ABLIM1: variants seen among roughly 807,000 people sequenced by gnomAD.
The protein encoded by ABLIM1 is actin binding LIM protein 1.
ABLIM1 carries 40 observed loss-of-function variants against 107.0 expected under a neutral mutation model. That is an observed-to-expected ratio of 0.37 (90% CI 0.29 to 0.49). The LOEUF (loss-of-function observed/expected upper bound fraction) is 0.49. Among genes scored for constraint, ABLIM1 ranks in the 20% least tolerant of loss-of-function variants. ABLIM1 has a pLI of 0.97. For missense variants in ABLIM1, 857 were observed against 1,008.5 expected (o/e 0.85, Z 2.04); for synonymous variants, 357 against 357.3 (o/e 1.00, Z 0.01).
At chr10:114,548,969 T>C (rs2067699968) in intron 4 of ABLIM1, among the ~76,000 whole-genome samples, 1 of 152,242 alleles carries the variant, frequency 6.6e-6, no homozygotes, top group Non-Finnish European at 1.5e-5. Context: ...ATGACGCTTC[T>C]AGCCCAACTT....
chr10:114,505,968 G>T (rs2135789693), intron 6 of ABLIM1, among the ~76,000 whole-genome samples: 1 of 152,294 alleles, frequency 6.6e-6, no homozygotes, highest in East Asian at 1.9e-4. Context: ...CATCACCCAG[G>T]TAGTAAGCAT....
At chr10:114,465,922 T>C in intron 11 of ABLIM1, 95 bp from the exon 12 acceptor site, 1 of 1,385,666 alleles carries the variant, frequency 7.2e-7, no homozygotes, top group South Asian at 1.4e-5. Flanking sequence ...GTCTACTTGT[T>C]TATATATATT....
chr10:114,549,961 C>A (rs2067845553), intron 4 of ABLIM1, among the ~76,000 whole-genome samples: 1 of 152,188 alleles, frequency 6.6e-6, no homozygotes. Context: ...ATTAAAAATT[C>A]TTAAGAAACT....
chr10:114,590,832 T>G (rs909865115), intron 2 of ABLIM1, among the ~76,000 whole-genome samples: 37 of 152,184 alleles, frequency 2.4e-4, no homozygotes, highest in African/African-American at 8.9e-4. Flanking sequence ...CCCTTCTGCA[T>G]GGGTTTAATA....
chr10:114,517,417 A>C (rs1216214062), intron 6 of ABLIM1, among the ~76,000 whole-genome samples: 3 of 152,140 alleles, frequency 2.0e-5, no homozygotes, highest in Non-Finnish European at 4.4e-5. Context: ...AGGGGACAGG[A>C]TGAAGCAGAC....
intron 1 of ABLIM1, among the ~76,000 whole-genome samples, chr10:114,603,018 C>T (rs543375311): frequency 6.6e-6 from 1 of 152,174 alleles, no homozygotes; most frequent in South Asian, 2.1e-4. Context: ...GATGTGGGGC[C>T]TCAGAAGGAG....
upstream of ABLIM1, among the ~76,000 whole-genome samples, chr10:114,687,393 C>A (rs892040871): frequency 6.6e-6 from 1 of 152,114 alleles, no homozygotes; most frequent in African/African-American, 2.4e-5. Context: ...AGTTTCAAAG[C>A]CAAAAATTTA....
chr10:114,523,688 A>G (rs1429125196), intron 6 of ABLIM1, among the ~76,000 whole-genome samples: 2 of 152,156 alleles, frequency 1.3e-5, no homozygotes, highest in African/African-American at 2.4e-5. Flanking sequence ...TGGTGACTGG[A>G]TTTGTCCTCT....
chr10:114,684,710 G>C (rs1270121053), exon 1 of ABLIM1: 1 of 1,051,094 alleles, frequency 9.5e-7, no homozygotes, highest in Non-Finnish European at 1.1e-6. Flanking sequence ...AACACGCCAA[G>C]AATGTTCCTA....
intron 4 of ABLIM1, among the ~76,000 whole-genome samples, chr10:114,563,209 G>A (rs1158649401): frequency 2.0e-5 from 3 of 152,242 alleles, no homozygotes; most frequent in Non-Finnish European, 2.9e-5. Flanking sequence ...ACCTCTTAGT[G>A]ATGGGATTTC....
intron 1 of ABLIM1, among the ~76,000 whole-genome samples, chr10:114,608,963 C>T (rs543897551): frequency 2.1e-4 from 32 of 151,474 alleles, no homozygotes; most frequent in African/African-American, 7.0e-4. Context: ...TGCAGTGAGC[C>T]GAGATCGTGC....
chr10:114,618,614 A>T (rs2077275819), intron 1 of ABLIM1, among the ~76,000 whole-genome samples: 1 of 152,168 alleles, frequency 6.6e-6, no homozygotes, highest in Admixed American at 6.5e-5. Context: ...GTGGCTGCAC[A>T]ACTCCAGAGG....
chr10:114,447,963 G>A lies in ABLIM1; in HGVS notation c.1652C>T (p.Pro551Leu). ...SEDIIKFSKF[P>L]AAQAPDPSET... Reference sequence around the variant, plus strand: ...GCTGGGGTCTGGTGCCTGGGCTGCTGGGAACTTGGAAAACTTGATGATATC... The same window carrying A: ...GCTGGGGTCTGGTGCCTGGGCTGCTAGGAACTTGGAAAACTTGATGATATC... Residue 551 changes from proline to leucine, a missense_variant, in exon 15 of 23, where the codon CCA becomes CTA. Physicochemically the swap from Pro to Leu is moderately conservative, Grantham distance 98. This residue lies in a region of ABLIM1 where 103 missense variants were observed against 101.0 expected (regional missense o/e 1.02). Coordinates refer to ENST00000533213, the MANE Select transcript of ABLIM1 (RefSeq NM_002313.7). 1 of 1,614,094 alleles carries A rather than the reference G, an allele frequency of 6.2e-7. No individual in the cohort carries two copies. Among genetic ancestry groups the A allele is most frequent in the South Asian group, 1.1e-5 (1 of 91,076 alleles).
intron 2 of ABLIM1, among the ~76,000 whole-genome samples, chr10:114,583,014 G>A (rs940047609): frequency 4.6e-5 from 7 of 152,024 alleles, no homozygotes; most frequent in Non-Finnish European, 7.4e-5. Flanking sequence ...TGACAAGTGG[G>A]ATCTAATTAA....
chr10:114,779,709 C>T, the ABLIM1 span: 1 of 152,032 alleles, frequency 6.6e-6, no homozygotes, highest in Non-Finnish European at 1.5e-5. Flanking sequence ...TTGAATGTTG[C>T]ATAGTATGGA....
At chr10:114,542,462 G>T (rs2066800556) in intron 6 of ABLIM1, among the ~76,000 whole-genome samples, 1 of 146,632 alleles carries the variant, frequency 6.8e-6, no homozygotes, top group Non-Finnish European at 1.5e-5. Flanking sequence ...AAAAGAAGAA[G>T]ATGATGATGA....
Position 114,622,248 on chromosome 10 carries a change from T to A in ABLIM1, c.245-20287A>T, listed in dbSNP as rs904291526. ...TTCCTATCATCCACTTTTCTTTTTC[T>A]TTTTTTTTTTTTTTTTGAGACAGGG... On this transcript the variant is annotated intron_variant, in intron 1 of 22. Coordinates refer to ENST00000533213, the MANE Select transcript of ABLIM1 (RefSeq NM_002313.7). 1.7e-3 allele frequency among the ~76,000 whole-genome samples: 148 copies of A among 88,888 alleles called. 2 individuals are homozygous for A. Among genetic ancestry groups the A allele is most frequent in the African/African-American group, 5.2e-3 (140 of 26,974 alleles). The allele number at this position is 88,888 out of a possible 152,430, so 58.3% of individuals were successfully genotyped here.
chr10:114,503,870 T>C (rs1360653186), intron 6 of ABLIM1, among the ~76,000 whole-genome samples: 1 of 152,180 alleles, frequency 6.6e-6, no homozygotes, highest in African/African-American at 2.4e-5. Flanking sequence ...CTGAACAATT[T>C]TCAATCCTCC....
chr10:114,547,463 T>G, intron 5 of ABLIM1, 187 bp downstream of exon 5: 1 of 716,330 alleles, frequency 1.4e-6, no homozygotes, highest in Non-Finnish European at 2.2e-6. Context: ...ATCATTAGGT[T>G]TATAGTAGCC....
Sources: gnomAD v4.1 joint callset for allele counts (sites outside exome capture counted in the v4.1 genomes callset) on GRCh38, gnomAD v4.1.1 for gene constraint, gnomAD v4.1.1 regional missense constraint, MANE v1.5 for transcripts, NCBI Gene and HGNC (gene_info 2026-07-23, HGNC 2026-07-21) for gene names.